The following PRKCH variants were observed in gnomAD, a reference collection of about 807,000 sequenced individuals.
The protein encoded by PRKCH is protein kinase C eta type.
In PRKCH, 28 loss-of-function variants were observed where a neutral mutation model predicts 82.5. The observed-to-expected ratio is 0.34, with a 90% confidence interval of 0.25 to 0.47. The LOEUF is 0.47. Among genes scored for constraint, PRKCH ranks in the 20% least tolerant of loss-of-function variants. PRKCH has a pLI of 1.00. For synonymous variants in PRKCH, 322 were observed against 327.4 expected, an observed-to-expected ratio of 0.98 and a Z score of 0.18; for missense variants, 705 against 881.8, an observed-to-expected ratio of 0.80 and a Z score of 2.54.
intron 1 of PRKCH, among the ~76,000 whole-genome samples, chr14:61,339,287 C>A (rs2045898636): frequency 6.6e-6 from 1 of 151,830 alleles, no homozygotes; most frequent in African/African-American, 2.4e-5. Flanking sequence ...GTGTTTTCAT[C>A]CTCTCCTGTC....
chr14:61,267,979 G>T (rs1425598292), intron 1 of PRKCH, among the ~76,000 whole-genome samples: 1 of 152,044 alleles, frequency 6.6e-6, no homozygotes, highest in African/African-American at 2.4e-5. Flanking sequence ...GATATGAAAA[G>T]AAAAATATAT....
chr14:61,437,996 A>G (rs1883758900), intron 2 of PRKCH, among the ~76,000 whole-genome samples: 1 of 152,056 alleles, frequency 6.6e-6, no homozygotes, highest in South Asian at 2.1e-4. Context: ...TTTCACAGTT[A>G]CACTAGGTAA....
intron 9 of PRKCH, among the ~76,000 whole-genome samples, chr14:61,479,581 A>G (rs932673838): frequency 2.0e-5 from 3 of 152,184 alleles, no homozygotes; most frequent in Non-Finnish European, 2.9e-5. Context: ...TAGCACTTTC[A>G]TCCACCCGGA....
At chr14:61,471,671 T>G (rs867777304) in intron 9 of PRKCH, among the ~76,000 whole-genome samples, 1 of 150,070 alleles carries the variant, frequency 6.7e-6, no homozygotes, top group Non-Finnish European at 1.5e-5. Flanking sequence ...CCTTTACAAT[T>G]AAAAAAAAAA....
At chr14:61,505,431 G>T (rs559257525) in intron 10 of PRKCH, among the ~76,000 whole-genome samples, 3 of 91,962 alleles carry the variant, frequency 3.3e-5, no homozygotes, top group African/African-American at 4.1e-5. Flanking sequence ...TTTTGAGGTG[G>T]AGTCTTGCTC....
At chr14:61,501,419 G>A (rs375772103) in intron 10 of PRKCH, among the ~76,000 whole-genome samples, 1 of 151,922 alleles carries the variant, frequency 6.6e-6, no homozygotes, top group East Asian at 1.9e-4. Flanking sequence ...GAAAAAAAGA[G>A]AGATGTGTGC....
chr14:61,484,043 C>G (rs1427726144), intron 9 of PRKCH, among the ~76,000 whole-genome samples: 1 of 152,084 alleles, frequency 6.6e-6, no homozygotes, highest in African/African-American at 2.4e-5. Context: ...CCTGTCTCAC[C>G]CAAAAATAAT....
chr14:61,457,565 G>A lies in PRKCH; in HGVS notation c.1164G>A (p.Lys388=). ...TCTATGCTGTGAAGGTGCTGAAGAA[G>A]GACGTGATTCTGCAGGATGATGATG... ...GDLYAVKVLK[K]DVILQDDDVE... The change falls in exon 9 of 14, where the codon AAG becomes AAA. Residue 388 remains lysine (K), a synonymous_variant. Transcript: ENST00000332981. The A allele has an allele frequency of 6.2e-7, 1 of 1,614,104 alleles. No individual in the cohort carries two copies. Among genetic ancestry groups the A allele is most frequent in the South Asian group, 1.1e-5 (1 of 91,068 alleles).
At chr14:61,290,656 T>A (rs1308680968) in intron 1 of PRKCH, among the ~76,000 whole-genome samples, 1 of 152,224 alleles carries the variant, frequency 6.6e-6, no homozygotes, top group Non-Finnish European at 1.5e-5. Flanking sequence ...ATTCTGTGGT[T>A]TAAAGAGTTT....
chr14:61,538,392 A>G (rs1177233859), intron 12 of PRKCH, among the ~76,000 whole-genome samples: 1 of 152,208 alleles, frequency 6.6e-6, no homozygotes, highest in East Asian at 1.9e-4. Flanking sequence ...CAGAAAACAG[A>G]AAAACACTGC....
chr14:61,475,111 A>G (rs1196917276), intron 9 of PRKCH, among the ~76,000 whole-genome samples: 1 of 152,240 alleles, frequency 6.6e-6, no homozygotes, highest in African/African-American at 2.4e-5. Context: ...TACACAGTTT[A>G]GGGATCTCCA....
At chr14:61,363,597 T>A (rs2046258468) in intron 1 of PRKCH, among the ~76,000 whole-genome samples, 1 of 152,152 alleles carries the variant, frequency 6.6e-6, no homozygotes, top group African/African-American at 2.4e-5. Flanking sequence ...GGTAATATAC[T>A]GATTTTAAAA....
chr14:61,328,256 CAAAAAAAAA>C (rs71117811), intron 1 of PRKCH, among the ~76,000 whole-genome samples: 11 of 74,382 alleles, frequency 1.5e-4, no homozygotes, highest in African/African-American at 6.1e-4. Flanking sequence ...GACTCCGTCT[CAAAAAAAAA>C]AAAAAAAAAA....
chr14:61,511,778 A>G (rs1887389256), intron 10 of PRKCH, among the ~76,000 whole-genome samples: 1 of 152,130 alleles, frequency 6.6e-6, no homozygotes, highest in African/African-American at 2.4e-5. Flanking sequence ...ACAGGAGGAG[A>G]GATAGCACCA....
chr14:61,496,264 G>A (rs922968925), intron 10 of PRKCH, among the ~76,000 whole-genome samples: 2 of 152,152 alleles, frequency 1.3e-5, no homozygotes, highest in Non-Finnish European at 2.9e-5. Context: ...AAGGTAAGTG[G>A]CATTATCCTT....
intron 1 of PRKCH, among the ~76,000 whole-genome samples, chr14:61,274,006 A>G (rs767402021): frequency 6.6e-6 from 1 of 152,262 alleles, no homozygotes; most frequent in African/African-American, 2.4e-5. Flanking sequence ...CAGCCTGAAT[A>G]TGGAGATAGA....
At chr14:61,360,670 A>G (rs1484010172) in intron 1 of PRKCH, among the ~76,000 whole-genome samples, 1 of 152,236 alleles carries the variant, frequency 6.6e-6, no homozygotes, top group East Asian at 1.9e-4. Context: ...TTAAAATTGA[A>G]AGAAAGGCAG....
chr14:61,310,344 A>G (rs1002710963), intron 1 of PRKCH, among the ~76,000 whole-genome samples: 6 of 152,262 alleles, frequency 3.9e-5, no homozygotes, highest in Admixed American at 2.0e-4. Flanking sequence ...ATGGGGGTAC[A>G]GGCATTCGGT....
At chr14:61,492,606 C>A (rs1298742859) in intron 10 of PRKCH, among the ~76,000 whole-genome samples, 1 of 152,202 alleles carries the variant, frequency 6.6e-6, no homozygotes, top group East Asian at 1.9e-4. Flanking sequence ...GGCATTCAAC[C>A]CTGTTTACTC....
Sources: gnomAD v4.1 joint callset for allele counts (sites outside exome capture counted in the v4.1 genomes callset) on GRCh38, gnomAD v4.1.1 for gene constraint, MANE v1.5 for transcripts, NCBI Gene and HGNC (gene_info 2026-07-23, HGNC 2026-07-21) for gene names.